The following MCTP2 variants were observed in gnomAD, a reference collection of about 807,000 sequenced individuals.
The protein encoded by MCTP2 is multiple C2 and transmembrane domain-containing protein 2.
Under a neutral mutation model 111.6 loss-of-function variants are expected in MCTP2, and 132 were observed. The observed-to-expected ratio is 1.18, with a 90% CI of 1.03 to 1.37. MCTP2 has a LOEUF of 1.37. MCTP2 is among the 40% of genes most tolerant of loss of function. The pLI, the probability that MCTP2 is intolerant of heterozygous loss-of-function variation, is 0.00. For synonymous variants in MCTP2, 395 were observed against 387.7 expected, an observed-to-expected ratio of 1.02 and a Z score of -0.22; for missense variants, 1,183 against 1,067.9, an observed-to-expected ratio of 1.11 and a Z score of -1.50.
intron 11 of MCTP2, among the ~76,000 whole-genome samples, chr15:94,369,789 C>T (rs1187041170): frequency 6.6e-6 from 1 of 152,158 alleles, no homozygotes; most frequent in Non-Finnish European, 1.5e-5. Context: ...TCTACCCACA[C>T]GTTTTCCTGG....
intron 20 of MCTP2, among the ~76,000 whole-genome samples, chr15:94,462,514 A>G (rs1037754279): frequency 1.3e-5 from 2 of 152,242 alleles, no homozygotes; most frequent in African/African-American, 2.4e-5. Flanking sequence ...AAGATGTTCT[A>G]TGATAAATGG....
intron 16 of MCTP2, 139 bp from the exon 17 acceptor site, chr15:94,401,761 G>T (rs1460190825): frequency 1.8e-6 from 1 of 543,248 alleles, no homozygotes; most frequent in Non-Finnish European, 3.0e-6. Context: ...GAAGTGTCAG[G>T]TCTTCTCCTT....
At chr15:94,253,770 C>T (rs924936550) in intron 1 of MCTP2, among the ~76,000 whole-genome samples, 4 of 151,448 alleles carry the variant, frequency 2.6e-5, no homozygotes, top group African/African-American at 4.9e-5. Context: ...AGTTTCACAT[C>T]GTTGCATGTG....
intron 12 of MCTP2, among the ~76,000 whole-genome samples, chr15:94,379,062 TG>T (rs1347266355): frequency 2.6e-5 from 4 of 151,756 alleles, no homozygotes; most frequent in African/African-American, 4.9e-5. Flanking sequence ...GTTAGTTTTT[TG>T]TTTTTTGTTT....
chr15:94,459,228 T>C (rs1179960783), intron 20 of MCTP2, among the ~76,000 whole-genome samples: 1 of 152,204 alleles, frequency 6.6e-6, no homozygotes, highest in African/African-American at 2.4e-5. Context: ...TCATTCTAGT[T>C]TCTTTAAGAA....
At chr15:94,426,473 C>T (rs886221838) in intron 17 of MCTP2, among the ~76,000 whole-genome samples, 1 of 152,082 alleles carries the variant, frequency 6.6e-6, no homozygotes, top group Non-Finnish European at 1.5e-5. Flanking sequence ...CACAAATTCT[C>T]TCTTTTGCTT....
In MCTP2 at chr15:94,282,092, G is replaced by A. The variant is rs78583907; in HGVS notation, c.-65-16109G>A. Among the ~76,000 whole-genome samples, 1,092 of 152,256 alleles carry A rather than the reference G, an allele frequency of 7.2e-3. 17 individuals carry two copies. Among genetic ancestry groups the A allele is most frequent in the African/African-American group, 0.025 (1,025 of 41,560 alleles). ...GAGTTTGCAGGTTGACCTCTTTAGT[G>A]AGGTCTGGGAATTTTCATGGATAAT... is the stretch of plus-strand genomic sequence containing the variant. On this transcript the variant is annotated intron_variant, in intron 1 of 22. Coordinates refer to ENST00000357742, the MANE Select transcript of MCTP2 (RefSeq NM_001385001.1).
chr15:94,463,268 T>C (rs369772891), intron 20 of MCTP2, among the ~76,000 whole-genome samples: 1 of 152,190 alleles, frequency 6.6e-6, no homozygotes, highest in Non-Finnish European at 1.5e-5. Context: ...TTAGATCGTC[T>C]TTAATTTATC....
chr15:94,363,307 A>C (rs1219996890), intron 10 of MCTP2, among the ~76,000 whole-genome samples: 1 of 152,110 alleles, frequency 6.6e-6, no homozygotes, highest in Non-Finnish European at 1.5e-5. Flanking sequence ...GGGCTACTAC[A>C]AGTAAGCAGG....
intron 1 of MCTP2, among the ~76,000 whole-genome samples, chr15:94,233,528 C>G (rs1432705892): frequency 6.6e-6 from 1 of 152,086 alleles, no homozygotes; most frequent in Non-Finnish European, 1.5e-5. Context: ...TGATTTCTTA[C>G]AGCTGCAAGA....
At chr15:94,346,103 G>T (rs945020494) in intron 8 of MCTP2, among the ~76,000 whole-genome samples, 2 of 152,132 alleles carry the variant, frequency 1.3e-5, no homozygotes, top group African/African-American at 2.4e-5. Context: ...CCAGCTCAAA[G>T]ACTGGAGTTT....
At chr15:94,350,069 A>G (rs1596443631) in intron 8 of MCTP2, among the ~76,000 whole-genome samples, 1 of 152,294 alleles carries the variant, frequency 6.6e-6, no homozygotes, top group South Asian at 2.1e-4. Flanking sequence ...AGGTGCAGCC[A>G]TCTTTGAACA....
chr15:94,259,127 A>AC (rs1455372638), intron 1 of MCTP2, among the ~76,000 whole-genome samples: 1 of 151,954 alleles, frequency 6.6e-6, no homozygotes, highest in Non-Finnish European at 1.5e-5. Flanking sequence ...CACTCTGGGG[A>AC]CCCCCTTCAC....
intron 17 of MCTP2, among the ~76,000 whole-genome samples, chr15:94,437,819 T>C (rs1047640165): frequency 6.6e-6 from 1 of 151,976 alleles, no homozygotes; most frequent in Non-Finnish European, 1.5e-5. Flanking sequence ...ATAGACACAC[T>C]CATGTGGGAA....
At chr15:94,383,902 G>C in intron 12 of MCTP2, 120 bp from the exon 13 acceptor site, 1 of 707,066 alleles carries the variant, frequency 1.4e-6, no homozygotes, top group Non-Finnish European at 2.5e-6. Context: ...TGACTCATTG[G>C]AAAAGCAGTC....
intron 4 of MCTP2, among the ~76,000 whole-genome samples, chr15:94,328,935 G>C (rs1361694499): frequency 6.6e-6 from 1 of 152,178 alleles, no homozygotes; most frequent in African/African-American, 2.4e-5. Flanking sequence ...GGAAGATGAA[G>C]ATGGTTCCAC....
At chr15:94,279,266 ATTTG>A (rs2074363890) in intron 1 of MCTP2, among the ~76,000 whole-genome samples, 1 of 152,090 alleles carries the variant, frequency 6.6e-6, no homozygotes, top group Admixed American at 6.5e-5. Context: ...ATGCTTTTCC[ATTTG>A]TTTGTGTCAT....
chr15:94,461,103 C>G (rs564099161), intron 20 of MCTP2, among the ~76,000 whole-genome samples: 1 of 152,126 alleles, frequency 6.6e-6, no homozygotes, highest in East Asian at 1.9e-4. Flanking sequence ...TCTCTAGTTA[C>G]CTTCCCTAAT....
chr15:94,248,346 G>A (rs1425379611), intron 1 of MCTP2, among the ~76,000 whole-genome samples: 1 of 152,164 alleles, frequency 6.6e-6, no homozygotes, highest in African/African-American at 2.4e-5. Context: ...CCACCAAGTA[G>A]AACTGAACCA....
Sources: allele counts gnomAD v4.1 joint callset (sites outside exome capture counted in the v4.1 genomes callset), GRCh38; gene constraint gnomAD v4.1.1; transcripts MANE v1.5; gene names NCBI Gene and HGNC (gene_info 2026-07-23, HGNC 2026-07-21).